ATG7: variants seen among roughly 807,000 people sequenced by gnomAD.
The protein encoded by ATG7 is autophagy related 7, also known as ubiquitin-like modifier-activating enzyme ATG7.
In ATG7, 70 loss-of-function variants were observed where a neutral mutation model predicts 82.4. That is an observed-to-expected ratio of 0.85 (90% CI 0.70 to 1.04). ATG7 has a LOEUF of 1.04. Among genes scored for constraint, ATG7 ranks in the 50% least tolerant of loss-of-function variants. ATG7 has a pLI of 0.00. For missense variants in ATG7, 792 were observed against 864.3 expected (o/e 0.92, Z 1.05); for synonymous variants, 287 against 313.0 (o/e 0.92, Z 0.88).
At chr3:11,408,214 G>T (rs756581630) in intron 19 of ATG7, among the ~76,000 whole-genome samples, 6 of 152,176 alleles carry the variant, frequency 3.9e-5, no homozygotes, top group Non-Finnish European at 2.9e-5. Context: ...AGGACAAAAT[G>T]ACACCAGTCT....
chr3:11,375,162 C>G (rs1443149333), intron 18 of ATG7, among the ~76,000 whole-genome samples: 1 of 150,706 alleles, frequency 6.6e-6, no homozygotes, highest in African/African-American at 2.4e-5. Context: ...AAGCCGAGAT[C>G]ACACTGCTGC....
At chr3:11,481,968 G>A (rs1160954186) in intron 20 of ATG7, among the ~76,000 whole-genome samples, 4 of 152,206 alleles carry the variant, frequency 2.6e-5, no homozygotes, top group Non-Finnish European at 5.9e-5. Context: ...GTAAGTCAGT[G>A]TCATGCCCCT....
At chr3:11,515,071 C>T (rs1255437963) in intron 20 of ATG7, among the ~76,000 whole-genome samples, 4 of 152,092 alleles carry the variant, frequency 2.6e-5, no homozygotes, top group Non-Finnish European at 4.4e-5. Flanking sequence ...GACCTCCTTA[C>T]CTGGTGATCT....
chr3:11,401,484 C>A (rs1359679014), intron 19 of ATG7, among the ~76,000 whole-genome samples: 1 of 152,174 alleles, frequency 6.6e-6, no homozygotes, highest in African/African-American at 2.4e-5. Flanking sequence ...ACAGCAGACA[C>A]AATTTTATCC....
chr3:11,300,744 C>T (rs1946660250), intron 5 of ATG7, among the ~76,000 whole-genome samples: 1 of 152,194 alleles, frequency 6.6e-6, no homozygotes, highest in Non-Finnish European at 1.5e-5. Context: ...TGGACCCATA[C>T]AGCCATTCGG....
At chr3:11,469,988 C>CGAAAA (rs2087277826) in intron 20 of ATG7, among the ~76,000 whole-genome samples, 1 of 87,574 alleles carries the variant, frequency 1.1e-5, no homozygotes, top group African/African-American at 4.8e-5. Context: ...GACTCCATCT[C>CGAAAA]AAAAAAAAAA....
chr3:11,573,257 A>T, the ATG7 span, among the ~76,000 whole-genome samples: 59 of 9,168 alleles, frequency 6.4e-3, 3 homozygotes, highest in Non-Finnish European at 1.8e-3. Context: ...GAAAGAAAGA[A>T]AGAAAGAAAG....
At chr3:11,463,393 C>T (rs1272505633) in intron 20 of ATG7, among the ~76,000 whole-genome samples, 1 of 152,178 alleles carries the variant, frequency 6.6e-6, no homozygotes, top group Non-Finnish European at 1.5e-5. Flanking sequence ...TCAGAATGGT[C>T]TGCTAAACCT....
At chr3:11,373,169 A>C (rs2077156553) in intron 18 of ATG7, among the ~76,000 whole-genome samples, 2 of 143,054 alleles carry the variant, frequency 1.4e-5, no homozygotes, top group Admixed American at 1.4e-4. Context: ...TTACGTTATG[A>C]CTAACTCCAA....
At chr3:11,568,757 A>G in the ATG7 span, 1 of 1,508,660 alleles carries the variant, frequency 6.6e-7, no homozygotes, top group East Asian at 2.5e-5. The surrounding 1 kb of genome is among the most constrained non-coding windows in gnomAD (Gnocchi z 5.9). Flanking sequence ...TGCCCGGGAG[A>G]TGGAAGTCGC....
chr3:11,303,917 C>CAA lies in ATG7; in HGVS notation c.216-3003_216-3002dup, dbSNP rs55893689. 3.8e-3 allele frequency among the ~76,000 whole-genome samples: 286 copies of CAA among 75,872 alleles called. 1 individual carries two copies. Among genetic ancestry groups the CAA allele is most frequent in the African/African-American group, 7.9e-3 (159 of 20,240 alleles). 49.8% of individuals were successfully genotyped at this position (75,872 alleles called of 152,430 possible). ...TGAAACCCCGTCTCTACTAAAAATG[C>CAA]AAAAAAAAAAAAAAAAAAAAAAAAT... On this transcript the variant is annotated intron_variant, in intron 5 of 20. Coordinates refer to ENST00000693202, the MANE Select transcript of ATG7 (RefSeq NM_001349232.2).
chr3:11,498,118 C>T (rs974167948), intron 20 of ATG7, among the ~76,000 whole-genome samples: 2 of 152,138 alleles, frequency 1.3e-5, no homozygotes, highest in African/African-American at 4.8e-5. Context: ...AGTATTCTTC[C>T]TCCTATTCCA....
chr3:11,567,375 A>G, the ATG7 span, among the ~76,000 whole-genome samples: 1 of 152,132 alleles, frequency 6.6e-6, no homozygotes, highest in Non-Finnish European at 1.5e-5. Flanking sequence ...GTATTCGTTT[A>G]TGGGGTTTTT....
At chr3:11,354,121 A>G (rs2075761964) in intron 14 of ATG7, among the ~76,000 whole-genome samples, 2 of 152,352 alleles carry the variant, frequency 1.3e-5, no homozygotes, top group Middle Eastern at 3.4e-3. Context: ...ATGTCAGCTC[A>G]TAAGAAACCC....
chr3:11,435,834 A>G (rs1243874892), intron 20 of ATG7, among the ~76,000 whole-genome samples: 2 of 152,232 alleles, frequency 1.3e-5, no homozygotes. Context: ...CAAAATTTTA[A>G]ATTTTGTGCT....
At chr3:11,558,398 AAAAC>A (rs929019418), downstream of ATG7, 6 of 1,272,018 alleles carry the variant, frequency 4.7e-6, no homozygotes, top group African/African-American at 9.0e-5. Flanking sequence ...AGCAAGTACA[AAAAC>A]AGAACACAAA....
chr3:11,551,341 A>G (rs1350559666), intron 20 of ATG7, among the ~76,000 whole-genome samples: 1 of 152,202 alleles, frequency 6.6e-6, no homozygotes, highest in Non-Finnish European at 1.5e-5. Context: ...CCGGCTCCAG[A>G]AAACATTTGT....
intron 19 of ATG7, among the ~76,000 whole-genome samples, chr3:11,417,820 T>A (rs759599887): frequency 1.3e-3 from 179 of 142,478 alleles, no homozygotes; most frequent in Middle Eastern, 3.7e-3. Context: ...ATTTTATTTT[T>A]TTTTTTTTTG....
intron 20 of ATG7, 90 bp from the exon 21 acceptor site, chr3:11,554,721 C>G: frequency 1.3e-6 from 2 of 1,485,528 alleles, no homozygotes; most frequent in East Asian, 2.3e-5. Context: ...CAGGTGGGAG[C>G]TGCCATGACT....
Sources: allele counts gnomAD v4.1 joint callset (sites outside exome capture counted in the v4.1 genomes callset), GRCh38; gene constraint gnomAD v4.1.1; non-coding constraint Gnocchi (gnomAD v3.1); transcripts MANE v1.5; gene names NCBI Gene and HGNC (gene_info 2026-07-23, HGNC 2026-07-21).